ARNT2: variants seen among roughly 807,000 people sequenced by gnomAD.
ARNT2 encodes aryl hydrocarbon receptor nuclear translocator 2.
ARNT2 carries 36 observed loss-of-function variants against 91.7 expected under a neutral mutation model. The observed-to-expected ratio is 0.39, with a 90% CI of 0.30 to 0.52. The LOEUF (loss-of-function observed/expected upper bound fraction) is 0.52. ARNT2 is among the 20% of genes least tolerant of loss of function. The probability of loss-of-function intolerance (pLI) is 0.72; values close to 1 mark genes in which losing one functional copy is unlikely to be tolerated. For synonymous variants in ARNT2, 365 were observed against 347.1 expected, an observed-to-expected ratio of 1.05 and a Z score of -0.57; for missense variants, 775 against 939.3, an observed-to-expected ratio of 0.83 and a Z score of 2.29.
intron 5 of ARNT2, among the ~76,000 whole-genome samples, chr15:80,495,525 T>C (rs1897114391): frequency 6.6e-6 from 1 of 152,258 alleles, no homozygotes; most frequent in Admixed American, 6.5e-5. Flanking sequence ...GTTTTGCTTT[T>C]AGAAGGGAAT....
chr15:80,512,000 A>C (rs570279261), intron 6 of ARNT2, among the ~76,000 whole-genome samples: 1 of 152,200 alleles, frequency 6.6e-6, no homozygotes, highest in Non-Finnish European at 1.5e-5. Flanking sequence ...CAATGGAACC[A>C]CTTACTAATG....
At chr15:80,441,724 C>T (rs1160914581) in intron 1 of ARNT2, among the ~76,000 whole-genome samples, 2 of 152,110 alleles carry the variant, frequency 1.3e-5, no homozygotes, top group South Asian at 2.1e-4. Context: ...TCCAGGTTTT[C>T]GCTGCCTACA....
At chr15:80,505,989 C>T (rs1350666219) in intron 5 of ARNT2, among the ~76,000 whole-genome samples, 12 of 139,688 alleles carry the variant, frequency 8.6e-5, no homozygotes, top group East Asian at 6.1e-4. Context: ...TACTGCGGAC[C>T]GCAGTGGCGC....
chr15:80,407,572 C>A (rs1188947515), intron 1 of ARNT2, among the ~76,000 whole-genome samples: 1 of 152,188 alleles, frequency 6.6e-6, no homozygotes, highest in Non-Finnish European at 1.5e-5. Context: ...GTGCCTCCTC[C>A]TTCTGGGTCA....
chr15:80,594,958 C>G lies in ARNT2; in HGVS notation c.*1260C>G, dbSNP rs1893350812. 4 of 152,212 alleles carry G rather than the reference C, an allele frequency of 2.6e-5. No individual in the cohort carries two copies. The highest frequency in any genetic ancestry group is 5.9e-5 in the Non-Finnish European group (4 of 68,070). 9.4% of individuals were successfully genotyped at this position (152,212 alleles called of 1,614,324 possible). On this transcript the variant is annotated 3_prime_UTR_variant, in exon 19 of 19. Coordinates refer to ENST00000303329, the MANE Select transcript of ARNT2 (RefSeq NM_014862.4). ...CTGGTTCTGCCACACACCCACCGGCCTTGAATTTCTCTGGTGGTCTCAAGA... is the reference window on the plus strand; with the variant it reads ...CTGGTTCTGCCACACACCCACCGGCGTTGAATTTCTCTGGTGGTCTCAAGA...
intron 10 of ARNT2, among the ~76,000 whole-genome samples, chr15:80,553,673 A>G (rs1898124199): frequency 6.6e-6 from 1 of 152,214 alleles, no homozygotes; most frequent in Non-Finnish European, 1.5e-5. Flanking sequence ...TAAAGGATAT[A>G]TAGCAGTTTA....
chr15:80,571,173 A>G (rs1256784528), intron 12 of ARNT2, among the ~76,000 whole-genome samples: 1 of 152,206 alleles, frequency 6.6e-6, no homozygotes, highest in African/African-American at 2.4e-5. Context: ...TTTTATAAGT[A>G]TTTCTGTCTG....
chr15:80,566,984 C>T (rs1055018502), intron 12 of ARNT2, among the ~76,000 whole-genome samples: 1 of 152,094 alleles, frequency 6.6e-6, no homozygotes, highest in African/African-American at 2.4e-5. Context: ...CTCACTTCTC[C>T]CAACATGGGA....
intron 1 of ARNT2, among the ~76,000 whole-genome samples, chr15:80,413,321 C>T (rs1374056477): frequency 1.3e-5 from 2 of 152,194 alleles, no homozygotes; most frequent in African/African-American, 4.8e-5. Flanking sequence ...CTAACTTACC[C>T]AGAAACCTTT....
At chr15:80,519,556 G>T (rs1051690969) in intron 8 of ARNT2, among the ~76,000 whole-genome samples, 1 of 152,128 alleles carries the variant, frequency 6.6e-6, no homozygotes, top group Non-Finnish European at 1.5e-5. Flanking sequence ...TCTGTCCTTT[G>T]TCTCACACCT....
chr15:80,431,113 C>G (rs192349594), intron 1 of ARNT2, among the ~76,000 whole-genome samples: 100 of 152,308 alleles, frequency 6.6e-4, no homozygotes, highest in Non-Finnish European at 2.1e-4. Context: ...CCTGAAGCCA[C>G]CTGCCACCAC....
chr15:80,514,289 T>C (rs987710295), intron 7 of ARNT2, 31 bp from the exon 8 acceptor site: 1 of 1,610,446 alleles, frequency 6.2e-7, no homozygotes, highest in African/African-American at 1.3e-5. Context: ...CCTCATGTGA[T>C]GAAAACAATT....
intron 5 of ARNT2, among the ~76,000 whole-genome samples, chr15:80,507,269 C>A (rs74029850): frequency 0.017 from 2,652 of 152,156 alleles, 85 homozygotes; most frequent in African/African-American, 0.06. Context: ...GGGGTGGGAG[C>A]AGAAATGCAC....
chr15:80,500,609 C>T (rs968542126), intron 5 of ARNT2, among the ~76,000 whole-genome samples: 2 of 152,204 alleles, frequency 1.3e-5, no homozygotes, highest in African/African-American at 4.8e-5. Flanking sequence ...ATAATACTTA[C>T]AAATCAGCTT....
At chr15:80,547,878 A>G (rs767684133) in intron 8 of ARNT2, among the ~76,000 whole-genome samples, 3 of 152,204 alleles carry the variant, frequency 2.0e-5, no homozygotes, top group Non-Finnish European at 2.9e-5. Flanking sequence ...CAAATGACCA[A>G]TACATAGTAT....
intron 18 of ARNT2, among the ~76,000 whole-genome samples, chr15:80,593,176 A>T (rs1277405491): frequency 6.6e-6 from 1 of 152,216 alleles, no homozygotes; most frequent in Non-Finnish European, 1.5e-5. Context: ...TAAGATAAAC[A>T]TGGAAGACAG....
intron 17 of ARNT2, among the ~76,000 whole-genome samples, chr15:80,584,044 A>G (rs1898846077): frequency 6.6e-6 from 1 of 152,236 alleles, no homozygotes; most frequent in South Asian, 2.1e-4. Context: ...GTGGAATAGG[A>G]TGCAGGGAGA....
At chr15:80,477,308 T>C (rs1281171192) in intron 5 of ARNT2, among the ~76,000 whole-genome samples, 4 of 152,206 alleles carry the variant, frequency 2.6e-5, no homozygotes, top group Non-Finnish European at 5.9e-5. Context: ...CCTTGATGTC[T>C]GGCAAGGGCC....
chr15:80,468,893 G>A (rs188970831), intron 3 of ARNT2, among the ~76,000 whole-genome samples: 55 of 152,214 alleles, frequency 3.6e-4, no homozygotes, highest in African/African-American at 2.6e-4. Flanking sequence ...ACTTCCCCTC[G>A]GTCTGTGTGT....
Sources: allele counts gnomAD v4.1 joint callset (sites outside exome capture counted in the v4.1 genomes callset), GRCh38; gene constraint gnomAD v4.1.1; transcripts MANE v1.5; gene names NCBI Gene and HGNC (gene_info 2026-07-23, HGNC 2026-07-21).